The following ETS1 variants were observed in gnomAD, a reference collection of about 807,000 sequenced individuals.
ETS1 encodes the protein protein C-ets-1.
A neutral mutation model predicts 58.6 loss-of-function variants in ETS1; 15 were observed. The observed-to-expected ratio is 0.26, with a 90% CI of 0.17 to 0.39. ETS1 has a LOEUF of 0.39. Ranked by LOEUF, ETS1 falls within the 10% of genes least tolerant of loss-of-function variation. ETS1 has a pLI of 1.00. For missense variants in ETS1, 417 were observed against 610.5 expected (o/e 0.68, Z 3.34); for synonymous variants, 214 against 218.2 (o/e 0.98, Z 0.17).
Position 128,585,322 on chromosome 11 carries a change from A to G in ETS1, c.-15+2166T>C, listed in dbSNP as rs1408919014. 9.2e-5 allele frequency among the ~76,000 whole-genome samples: 13 copies of G among 141,832 alleles called. 1 individual carries two copies. In the South Asian group the frequency reaches 2.8e-3, roughly 30 times the overall value. 93.0% of individuals were successfully genotyped at this position (141,832 alleles called of 152,430 possible). On this transcript the variant is annotated intron_variant, in intron 1 of 9. Coordinates refer to ENST00000392668, the MANE Select transcript of ETS1 (RefSeq NM_001143820.2). ...AGGGAGGGAAGGGAGGGAAGAAGGAAGGAAGGAAGCAAGGAAGGAAGGAAG... is the reference window on the plus strand; with the variant it reads ...AGGGAGGGAAGGGAGGGAAGAAGGAGGGAAGGAAGCAAGGAAGGAAGGAAG...
At chr11:128,562,731 C>T (rs955569596) in intron 2 of ETS1, among the ~76,000 whole-genome samples, 7 of 152,200 alleles carry the variant, frequency 4.6e-5, no homozygotes, top group African/African-American at 1.4e-4. Context: ...GGGCCGACCA[C>T]CACCACCATT....
chr11:128,521,899 C>G (rs779613985), intron 3 of ETS1: 19 of 1,588,806 alleles, frequency 1.2e-5, no homozygotes, highest in Non-Finnish European at 1.6e-5. Flanking sequence ...GGGGCCTCGG[C>G]CGTCGCCACT....
At chr11:128,552,401 A>G (rs1864244129) in intron 3 of ETS1, among the ~76,000 whole-genome samples, 1 of 152,190 alleles carries the variant, frequency 6.6e-6, no homozygotes, top group Non-Finnish European at 1.5e-5. Context: ...TGTTTCTCAA[A>G]TCAATCAAAG....
chr11:128,563,025 G>A (rs150315909), intron 2 of ETS1, among the ~76,000 whole-genome samples: 4 of 152,140 alleles, frequency 2.6e-5, no homozygotes, highest in Admixed American at 6.5e-5. Context: ...TGAACATGAG[G>A]AGTCTGTGTC....
rs1442419454 is a variant in ETS1, at chr11:128,461,098, C to T, written c.*1263G>A. Reference sequence around the variant, plus strand: ...GGTCGTGTCTCAAGTTACTTTTTCACTCACCAATCAGAAAGCCGTACACTT... The same window carrying T: ...GGTCGTGTCTCAAGTTACTTTTTCATTCACCAATCAGAAAGCCGTACACTT... On this transcript the variant is annotated 3_prime_UTR_variant, in exon 10 of 10. Coordinates refer to ENST00000392668, the MANE Select transcript of ETS1 (RefSeq NM_001143820.2). 6.5e-6 allele frequency: 1 copy of T among 152,674 alleles called. No individual in the cohort carries two copies. The highest frequency in any genetic ancestry group is 1.9e-4 in the East Asian group (1 of 5,338). The allele number at this position is 152,674 out of a possible 1,614,324, so 9.5% of individuals were successfully genotyped here.
chr11:128,513,497 T>A (rs958344547), intron 3 of ETS1, among the ~76,000 whole-genome samples: 1 of 152,238 alleles, frequency 6.6e-6, no homozygotes, highest in African/African-American at 2.4e-5. Flanking sequence ...GTTTATTTCA[T>A]ACACAATATT....
chr11:128,575,395 G>A (rs906710698), intron 1 of ETS1, among the ~76,000 whole-genome samples: 3 of 152,180 alleles, frequency 2.0e-5, no homozygotes, highest in East Asian at 1.9e-4. Flanking sequence ...CTGAAACCTC[G>A]GAAGGCAAAA....
At position 128,462,087 on chromosome 11, in the gene ETS1, T is replaced by G. The variant is rs1206984911; in HGVS notation, c.*274A>C. On this transcript the variant is annotated 3_prime_UTR_variant, in exon 10 of 10. Coordinates refer to ENST00000392668, the MANE Select transcript of ETS1 (RefSeq NM_001143820.2). The stretch of plus-strand genomic sequence containing the variant: ...TGGACACATTAGTCTCTTTCTCTGT[T>G]AAGCCAGAGCCTTCAAGCTTCTGAG... The G allele has an allele frequency of 2.3e-6, 1 of 443,936 alleles. No individual in the cohort carries two copies. The highest frequency in any genetic ancestry group is 4.1e-6 in the Non-Finnish European group (1 of 246,314). 27.5% of individuals were successfully genotyped at this position (443,936 alleles called of 1,614,324 possible).
chr11:128,567,187 A>G (rs568325674), intron 2 of ETS1, among the ~76,000 whole-genome samples: 50 of 152,306 alleles, frequency 3.3e-4, no homozygotes, highest in African/African-American at 6.7e-4. Flanking sequence ...GCTGGTACCA[A>G]CTAGAGATTC....
At chr11:128,491,592 CT>C (rs1476578423) in intron 3 of ETS1, among the ~76,000 whole-genome samples, 1 of 152,228 alleles carries the variant, frequency 6.6e-6, no homozygotes, top group African/African-American at 2.4e-5. Context: ...TCAGCATCAA[CT>C]ACAAAAAGAT....
At chr11:128,564,601 C>T (rs557763997) in intron 2 of ETS1, among the ~76,000 whole-genome samples, 18 of 152,198 alleles carry the variant, frequency 1.2e-4, no homozygotes, top group East Asian at 1.2e-3. Flanking sequence ...GGCTGAAGGA[C>T]GGGGAGGGGG....
chr11:128,561,637 T>C (rs1237027331), intron 2 of ETS1, among the ~76,000 whole-genome samples: 2 of 152,180 alleles, frequency 1.3e-5, no homozygotes, highest in African/African-American at 2.4e-5. Flanking sequence ...AAAATCGACA[T>C]GATTTTATGA....
At chr11:128,529,408 G>T (rs1863859624) in intron 3 of ETS1, among the ~76,000 whole-genome samples, 2 of 152,318 alleles carry the variant, frequency 1.3e-5, no homozygotes, top group African/African-American at 4.8e-5. Flanking sequence ...AAATGGAGCT[G>T]CTACAATCTA....
rs746301418 is a variant in ETS1, at chr11:128,484,858, G to C, written c.827C>G (p.Thr276Ser). The part of the protein sequence containing the change: ...DYFAIKQEVV[T>S]PDNMCMGRTS... ...CCTCCCCATGCACATGTTGTCTGGG[G>C]TGACGACTTCTTGTTTGATAGCAAA... is the stretch of plus-strand genomic sequence containing the variant. Residue 276 changes from threonine (T) to serine (S), a missense_variant, in exon 7 of 10, where the codon ACC becomes AGC. Coordinates refer to ENST00000392668, the MANE Select transcript of ETS1 (RefSeq NM_001143820.2). 1.2e-6 allele frequency: 2 copies of C among 1,614,104 alleles called. No homozygotes were observed. Among genetic ancestry groups the C allele is most frequent in the Non-Finnish European group, 1.7e-6 (2 of 1,179,976 alleles).
chr11:128,548,096 G>A (rs1037259656), intron 3 of ETS1, among the ~76,000 whole-genome samples: 1 of 145,828 alleles, frequency 6.9e-6, no homozygotes, highest in Non-Finnish European at 1.5e-5. Flanking sequence ...GAAAGAGCGA[G>A]GAAGGAAAGG....
chr11:128,512,949 A>G (rs1421510288), intron 3 of ETS1, among the ~76,000 whole-genome samples: 1 of 152,264 alleles, frequency 6.6e-6, no homozygotes, highest in African/African-American at 2.4e-5. Flanking sequence ...TCCCTCCTCC[A>G]GGTGAGAACC....
chr11:128,524,573 T>C (rs61659444), intron 3 of ETS1, among the ~76,000 whole-genome samples: 3,669 of 152,314 alleles, frequency 0.024, 152 homozygotes, highest in African/African-American at 0.084. Context: ...CAGGGTCATG[T>C]TTCATTAATC....
rs532656441 is a variant in ETS1 at position 128,541,220 on chromosome 11, G to T, written c.214+15071C>A. 2.8e-4 allele frequency among the ~76,000 whole-genome samples: 43 copies of T among 152,316 alleles called. No individual in the cohort carries two copies. In the South Asian group the frequency reaches 7.9e-3, roughly 28 times the overall value. The stretch of plus-strand genomic sequence containing the variant: ...GCCAGGTTGCGTGATGTTCCTTGAG[G>T]ATGAGACTGAACCACACTTCATAGC... On this transcript the variant is annotated intron_variant, in intron 3 of 9. Coordinates refer to ENST00000392668, the MANE Select transcript of ETS1 (RefSeq NM_001143820.2).
Position 128,498,935 on chromosome 11 carries a change from A to C in ETS1, c.215-8359T>G, listed in dbSNP as rs183779364. Among the ~76,000 whole-genome samples, 153 of 152,352 alleles carry C rather than the reference A, an allele frequency of 1.0e-3. 3 individuals carry two copies. The highest frequency in any genetic ancestry group is 2.1e-3 in the Non-Finnish European group (142 of 68,034). ...TTATAGTTCCTAAATGTCCCAGAACAGTGTGACTTCTTTATCTGAAAAACA... is the reference window on the plus strand; with the variant it reads ...TTATAGTTCCTAAATGTCCCAGAACCGTGTGACTTCTTTATCTGAAAAACA... On this transcript the variant is annotated intron_variant, in intron 3 of 9. Transcript: ENST00000392668.
Sources: allele counts gnomAD v4.1 joint callset (sites outside exome capture counted in the v4.1 genomes callset), GRCh38; gene constraint gnomAD v4.1.1; transcripts MANE v1.5; gene names NCBI Gene and HGNC (gene_info 2026-07-23, HGNC 2026-07-21).